SHLD2: variants seen among roughly 807,000 people sequenced by gnomAD.
SHLD2 encodes RINN1-REV7-interacting novel NHEJ regulator 2.
SHLD2 carries 30 observed loss-of-function variants against 73.2 expected under a neutral mutation model. The observed-to-expected ratio is 0.41, with a 90% CI of 0.31 to 0.56. The LOEUF is 0.56. Ranked by LOEUF, SHLD2 falls within the 20% of genes least tolerant of loss-of-function variation. The pLI is 0.28. For missense variants in SHLD2, 745 were observed against 1,055.9 expected, an observed-to-expected ratio of 0.71 and a Z score of 4.08; for synonymous variants, 285 against 370.1, an observed-to-expected ratio of 0.77 and a Z score of 2.64.
At chr10:87,158,272 T>C in intron 4 of SHLD2, 117 bp downstream of exon 4, 1 of 1,006,138 alleles carries the variant, frequency 9.9e-7, no homozygotes, top group Non-Finnish European at 1.4e-6. Flanking sequence ...TTGGAGAGTA[T>C]TGGTTTCTTT....
intron 7 of SHLD2, among the ~76,000 whole-genome samples, chr10:87,179,561 C>A (rs1405396488): frequency 6.6e-6 from 1 of 152,160 alleles, no homozygotes; most frequent in East Asian, 1.9e-4. Flanking sequence ...GCCACCGCGC[C>A]TGGCTAATTT....
At chr10:87,105,887 GC>G (rs1287654103) in intron 2 of SHLD2, among the ~76,000 whole-genome samples, 1 of 152,218 alleles carries the variant, frequency 6.6e-6, no homozygotes, top group Non-Finnish European at 1.5e-5. Flanking sequence ...TTGGTTACAT[GC>G]CACGCCCTGG....
intron 2 of SHLD2, among the ~76,000 whole-genome samples, chr10:87,139,772 C>T (rs181527275): frequency 6.6e-6 from 1 of 152,218 alleles, no homozygotes; most frequent in Admixed American, 6.5e-5. Flanking sequence ...TTGCAGTGAG[C>T]TGAGAACATG....
At chr10:87,182,014 C>T (rs1332012372) in intron 8 of SHLD2, among the ~76,000 whole-genome samples, 3 of 152,026 alleles carry the variant, frequency 2.0e-5, no homozygotes, top group Non-Finnish European at 2.9e-5. Flanking sequence ...GTGATCCACC[C>T]GTCTCAGCCT....
rs1846060790 is a variant in SHLD2, at chr10:87,152,144, C to G, written c.790C>G (p.Pro264Ala). The G allele has an allele frequency of 6.2e-7, 1 of 1,611,468 alleles. No homozygotes were observed. Among genetic ancestry groups the G allele is most frequent in the Non-Finnish European group, 8.5e-7 (1 of 1,179,706 alleles). Residue 264 changes from proline (P) to alanine (A), a missense_variant, in exon 3 of 10, where the codon CCT (proline) becomes GCT (alanine). Coordinates refer to ENST00000298786, the MANE Select transcript of SHLD2 (RefSeq NM_001330112.2). ...TCAAAAGAAAGATAAAAGGCGGAGT[C>G]CTGTAAATAAAGGGAATGTAAACAT... is the stretch of plus-strand genomic sequence containing the variant. ...LAQKKDKRRS[P>A]VNKGNVNMET... is the part of the protein sequence containing the mutation.
rs754271785 is a variant in SHLD2, at chr10:87,180,156, G to A, written c.2252G>A (p.Ser751Asn). 3.7e-6 allele frequency: 6 copies of A among 1,613,840 alleles called. No individual in the cohort carries two copies. The highest frequency in any genetic ancestry group is 4.2e-6 in the Non-Finnish European group (5 of 1,179,808). ...ASQKIALNAH[S>N]SLKSIFSSLP... ...CAGAAGATAGCGCTAAATGCTCACA[G>A]TTCTCTGAAGAGTATTTTTTCTTCT... Residue 751 changes from serine (S) to asparagine (N), a missense_variant, in exon 8 of 10, where the codon AGT becomes AAT. By Grantham distance (46) the Ser-to-Asn change is conservative (BLOSUM62 1). Around this residue, in one of 5 missense-constraint regions of SHLD2, gnomAD observed 418 missense variants for 567.8 expected, o/e 0.74. Transcript: ENST00000298786.
intron 2 of SHLD2, among the ~76,000 whole-genome samples, chr10:87,130,560 G>A (rs924787499): frequency 1.2e-4 from 19 of 152,070 alleles, no homozygotes; most frequent in South Asian, 2.1e-4. Context: ...GAGATTGAGC[G>A]TTTCCTAAGG....
intron 4 of SHLD2, among the ~76,000 whole-genome samples, chr10:87,167,942 G>A (rs1237471063): frequency 6.6e-6 from 1 of 152,040 alleles, no homozygotes; most frequent in Admixed American, 6.6e-5. Context: ...ACCACTCCCA[G>A]CCCCAGAACA....
At chr10:87,097,223 TG>T (rs1841956120) in intron 2 of SHLD2, among the ~76,000 whole-genome samples, 1 of 152,214 alleles carries the variant, frequency 6.6e-6, no homozygotes, top group South Asian at 2.1e-4. Context: ...GAAAAATAAA[TG>T]TTTAACTTTG....
chr10:87,187,066 G>A lies in SHLD2; in HGVS notation c.2400-19G>A. ...CTGAAAATCTTTTTGAAGGTCGTGT[G>A]TTGTTTACTCTTTTGTAGGCCAGCG... On this transcript the variant is annotated intron_variant, in intron 8 of 9. Transcript: ENST00000298786. 1 of 1,481,902 alleles carries A rather than the reference G, an allele frequency of 6.7e-7. No individual in the cohort carries two copies. 91.8% of individuals were successfully genotyped at this position (1,481,902 alleles called of 1,614,324 possible).
intron 9 of SHLD2, among the ~76,000 whole-genome samples, chr10:87,190,090 G>C (rs1237134668): frequency 6.6e-6 from 1 of 152,152 alleles, no homozygotes; most frequent in Non-Finnish European, 1.5e-5. Flanking sequence ...ACAGAGTCTT[G>C]CTCTGTTGCC....
At chr10:87,096,649 T>TC (rs1200844778) in intron 1 of SHLD2, among the ~76,000 whole-genome samples, 1 of 152,170 alleles carries the variant, frequency 6.6e-6, no homozygotes, top group Admixed American at 6.5e-5. Flanking sequence ...GCGTTAGCGG[T>TC]CTCAGTGTAC....
Position 87,151,541 on chromosome 10 carries a change from A to G in SHLD2, c.187A>G (p.Lys63Glu). 4 of 1,611,272 alleles carry G rather than the reference A, an allele frequency of 2.5e-6. No individual in the cohort carries two copies. The highest frequency in any genetic ancestry group is 8.5e-7 in the Non-Finnish European group (1 of 1,179,620). The change falls in exon 3 of 10, where the codon AAA becomes GAA. Residue 63 changes from lysine to glutamate, a missense_variant. By Grantham distance (56) the Lys-to-Glu change is moderately conservative. This residue lies in a region of SHLD2 where 280 missense variants were observed against 353.9 expected (regional missense o/e 0.79). Coordinates refer to ENST00000298786, the MANE Select transcript of SHLD2 (RefSeq NM_001330112.2). The part of the protein sequence containing the change: ...EKQHKNLENY[K>E]VPESIGSPDL... ...ACAGCACAAAAATCTTGAAAACTAT[A>G]AAGTCCCAGAATCTATTGGTTCTCC...
chr10:87,142,689 A>G (rs1845280395), intron 2 of SHLD2, among the ~76,000 whole-genome samples: 1 of 152,034 alleles, frequency 6.6e-6, no homozygotes. Context: ...GGGAATTGGG[A>G]TAGTGGAGTT....
At chr10:87,103,929 G>A (rs538834015) in intron 2 of SHLD2, among the ~76,000 whole-genome samples, 2 of 152,210 alleles carry the variant, frequency 1.3e-5, no homozygotes, top group Non-Finnish European at 2.9e-5. Flanking sequence ...AACATGTGAG[G>A]TCTCTTAAAA....
chr10:87,097,491 C>T (rs1841978699), intron 2 of SHLD2, among the ~76,000 whole-genome samples: 1 of 152,062 alleles, frequency 6.6e-6, no homozygotes, highest in African/African-American at 2.4e-5. Context: ...CTTGTAGTTC[C>T]AGCTACTTGG....
At position 87,152,194 on chromosome 10, in the gene SHLD2, C is replaced by T. The variant is rs749933347; in HGVS notation, c.840C>T (p.Tyr280=). 43 of 1,591,772 alleles carry T rather than the reference C, an allele frequency of 2.7e-5. No homozygotes were observed. Among genetic ancestry groups the T allele is most frequent in the East Asian group, 4.5e-5 (2 of 44,390 alleles). Residue 280 remains tyrosine (Y), a synonymous_variant, in exon 3 of 10, where the codon TAC becomes TAT. Coordinates refer to ENST00000298786, the MANE Select transcript of SHLD2 (RefSeq NM_001330112.2). ...TGGAGACTGAACCAAAGGCAAGTTA[C>T]GGGGAGATAAGAATACCTGAAGAGA... is the stretch of plus-strand genomic sequence containing the variant. ...VNMETEPKAS[Y]GEIRIPEENS... is the part of the protein sequence containing the mutation.
chr10:87,182,388 A>G (rs1377479123), intron 8 of SHLD2, among the ~76,000 whole-genome samples: 1 of 152,210 alleles, frequency 6.6e-6, no homozygotes, highest in Non-Finnish European at 1.5e-5. Flanking sequence ...GTGTGGCATA[A>G]CAGTCCCAGA....
chr10:87,145,843 C>T (rs1845567987), intron 2 of SHLD2, among the ~76,000 whole-genome samples: 1 of 151,870 alleles, frequency 6.6e-6, no homozygotes, highest in Non-Finnish European at 1.5e-5. Context: ...TGGAGATGTA[C>T]TTGCAAGTTT....
Sources: gnomAD v4.1 joint callset for allele counts (sites outside exome capture counted in the v4.1 genomes callset) on GRCh38, gnomAD v4.1.1 for gene constraint, gnomAD v4.1.1 regional missense constraint, MANE v1.5 for transcripts, NCBI Gene and HGNC (gene_info 2026-07-23, HGNC 2026-07-21) for gene names.